Variants in ZIC3 observed in about 807,000 individuals in gnomAD.
ZIC3 encodes zinc finger protein ZIC 3.
Under a neutral mutation model 18.3 loss-of-function variants are expected in ZIC3, and 6 were observed. The observed-to-expected ratio is 0.33, with a 90% CI of 0.18 to 0.65. ZIC3 has a LOEUF of 0.65. Among genes scored for constraint, ZIC3 ranks in the 30% least tolerant of loss-of-function variants. ZIC3 has a pLI of 0.75. For missense variants in ZIC3, 260 were observed against 410.0 expected, an observed-to-expected ratio of 0.63 and a Z score of 3.16; for synonymous variants, 175 against 177.0, an observed-to-expected ratio of 0.99 and a Z score of 0.09.
chrX:137,566,795 T>C lies in ZIC3; in HGVS notation c.104T>C (p.Met35Thr). 1 of 1,177,150 alleles carries C rather than the reference T, an allele frequency of 8.5e-7. No homozygotes were observed. The highest frequency in any genetic ancestry group is 1.1e-6 in the Non-Finnish European group (1 of 880,194). Residue 35 changes from methionine (M) to threonine (T), a missense_variant, in exon 1 of 3, where the codon ATG (methionine) becomes ACG (threonine). By Grantham distance (81) the Met-to-Thr change is moderately conservative. Transcript: ENST00000287538. ...ATGCCCAACCGTGAGCCGGCAGGCATGGGGCTGAATCCCTTCGGGGACTCA... is the reference window on the plus strand; with the variant it reads ...ATGCCCAACCGTGAGCCGGCAGGCACGGGGCTGAATCCCTTCGGGGACTCA... Reference protein sequence around the residue: ...HEMPNREPAGMGLNPFGDSTH... With the variant: ...HEMPNREPAGTGLNPFGDSTH...
At chrX:137,574,533 C>T (rs956795342), downstream of ZIC3, among the ~76,000 whole-genome samples, 4 of 113,448 alleles carry the variant, frequency 3.5e-5, no homozygotes, top group African/African-American at 9.6e-5. Flanking sequence ...CCTTTTCAAG[C>T]CGCGGCCGGG....
chrX:137,577,421 A>G (rs1387906489), exon 3 of ZIC3: 6 of 328,458 alleles, frequency 1.8e-5, no homozygotes, highest in Non-Finnish European at 3.2e-5. Flanking sequence ...TGTGAAATGA[A>G]AAAGCAAAAA....
chrX:137,576,613 A>G (rs1049541428), downstream of ZIC3, among the ~76,000 whole-genome samples: 6 of 112,405 alleles, frequency 5.3e-5, no homozygotes, highest in Non-Finnish European at 1.1e-4. Context: ...GGAAAACACT[A>G]AGTTTGCTGG....
intron 1 of ZIC3, 135 bp downstream of exon 1, chrX:137,567,886 C>T (rs1364597066): frequency 1.9e-6 from 2 of 1,075,120 alleles, no homozygotes; most frequent in Admixed American, 2.6e-5. Flanking sequence ...AAAAGAAGCG[C>T]TGTCAGTGAC....
At chrX:137,572,295 G>A (rs138572111), downstream of ZIC3, among the ~76,000 whole-genome samples, 2 of 112,149 alleles carry the variant, frequency 1.8e-5, no homozygotes, top group Admixed American at 1.9e-4. Flanking sequence ...AAATTGCTTT[G>A]GAGGCTATTT....
At position 137,570,566 on chromosome X, in the gene ZIC3, C is replaced by G. The variant is rs188158405; in HGVS notation, c.*496C>G. On this transcript the variant is annotated 3_prime_UTR_variant, in exon 3 of 3. Transcript: ENST00000287538. ...TGAATGTATTTTTGTCTAATAGGGT[C>G]GAAACTGTTGTTCAGTATTTTTTCA... 335 of 126,011 alleles carry G rather than the reference C, an allele frequency of 2.7e-3. 2 individuals are homozygous for G. Among genetic ancestry groups the G allele is most frequent in the African/African-American group, 0.01 (317 of 31,323 alleles). 10.4% of individuals were successfully genotyped at this position (126,011 alleles called of 1,213,427 possible).
chrX:137,573,363 C>A (rs2124188881), downstream of ZIC3, among the ~76,000 whole-genome samples: 1 of 111,393 alleles, frequency 9.0e-6, no homozygotes, highest in South Asian at 3.8e-4. Flanking sequence ...GGCCTTCATC[C>A]AGCTTTAGAA....
In ZIC3 at chrX:137,567,120, G is replaced by A; in HGVS notation, c.429G>A (p.Ser143=). The change falls in exon 1 of 3, where the codon TCG becomes TCA. Residue 143 remains serine, a synonymous_variant. Transcript: ENST00000287538. ...GGGQHGLFAG[S]ASSLHAPAGI... ...GGCAGCACGGGCTCTTCGCCGGCTC[G>A]GCGAGCAGCCTGCATGCTCCAGCTG... 2 of 1,205,340 alleles carry A rather than the reference G, an allele frequency of 1.7e-6. No homozygotes were observed. Among genetic ancestry groups the A allele is most frequent in the Non-Finnish European group, 2.2e-6 (2 of 892,806 alleles).
chrX:137,569,856 T>TG, intron 2 of ZIC3, 35 bp from the exon 3 acceptor site: 2 of 1,175,093 alleles, frequency 1.7e-6, no homozygotes, highest in Non-Finnish European at 2.3e-6. Context: ...CCAGTTGGAA[T>TG]TATATTCATT....
downstream of ZIC3, chrX:137,573,890 G>C (rs954542475): frequency 1.8e-5 from 2 of 109,217 alleles, no homozygotes; most frequent in Non-Finnish European, 3.8e-5. Context: ...AGGCTCGGGC[G>C]GGGGGGGAAG....
chrX:137,568,398 A>C (rs760819592), intron 1 of ZIC3, among the ~76,000 whole-genome samples: 11 of 109,874 alleles, frequency 1.0e-4, no homozygotes, highest in Admixed American at 2.9e-4. Flanking sequence ...TTTTTTCCTC[A>C]AACATTAACT....
rs748325646 is a variant in ZIC3 at position 137,566,825 on chromosome X, A to ACGCCGCCGC, written c.153_161dup (p.Ala53_Ala55dup). ...CTGAATCCCTTCGGGGACTCAACCC[A>ACGCCGCCGC]CGCCGCCGCCGCCGCCGCCGCCGCC... On this transcript the variant is annotated inframe_insertion, in exon 1 of 3. Transcript: ENST00000287538. 152 of 1,160,653 alleles carry ACGCCGCCGC rather than the reference A, an allele frequency of 1.3e-4. 1 individual carries two copies. In the South Asian group the frequency reaches 1.8e-3, roughly 14 times the overall value.
Position 137,570,175 on chromosome X carries a change from A to T in ZIC3, c.*105A>T. On this transcript the variant is annotated 3_prime_UTR_variant, in exon 3 of 3. Transcript: ENST00000287538. ...GGAGTTTTAAGGCAAGAGGCCATAT[A>T]TAGGGCTACATCTTGTTAATTGCAA... The T allele has an allele frequency of 2.1e-6, 2 of 943,126 alleles. No individual in the cohort carries two copies. The highest frequency in any genetic ancestry group is 3.1e-6 in the Non-Finnish European group (2 of 655,685). 77.7% of individuals were successfully genotyped at this position (943,126 alleles called of 1,213,427 possible).
In ZIC3 at chrX:137,570,108, A is replaced by G. The variant is rs1005428187; in HGVS notation, c.*38A>G. On this transcript the variant is annotated 3_prime_UTR_variant, in exon 3 of 3. Transcript: ENST00000287538. Reference sequence around the variant, plus strand: ...ACCCTGTTAATTATAGAATGGACCAAATACATTTTTAAAAGAAAACTGAGA... The same window carrying G: ...ACCCTGTTAATTATAGAATGGACCAGATACATTTTTAAAAGAAAACTGAGA... 1 of 1,196,872 alleles carries G rather than the reference A, an allele frequency of 8.4e-7. No individual in the cohort carries two copies. Among genetic ancestry groups the G allele is most frequent in the Non-Finnish European group, 1.1e-6 (1 of 881,837 alleles).
At chrX:137,575,642 A>T (rs1246706161), downstream of ZIC3, among the ~76,000 whole-genome samples, 1 of 111,921 alleles carries the variant, frequency 8.9e-6, no homozygotes, top group African/African-American at 3.2e-5. Context: ...CCAACGGCCA[A>T]ACGGAAAAGT....
At chrX:137,569,749 G>C (rs145243921) in intron 2 of ZIC3, 142 bp from the exon 3 acceptor site, 1 of 585,571 alleles carries the variant, frequency 1.7e-6, no homozygotes, top group Non-Finnish European at 2.6e-6. Context: ...TCGGTAATAC[G>C]GATTTTTTTT....
downstream of ZIC3, chrX:137,573,747 T>TGGCCGG (rs1160039013): frequency 2.6e-5 from 3 of 113,394 alleles, no homozygotes; most frequent in Non-Finnish European, 5.6e-5. Flanking sequence ...AGTGGATCCT[T>TGGCCGG]GGCCGGGGCC....
Position 137,566,552 on chromosome X carries a change from C to T in ZIC3, c.-140C>T. 1 of 1,069,380 alleles carries T rather than the reference C, an allele frequency of 9.4e-7. No homozygotes were observed. The highest frequency in any genetic ancestry group is 1.2e-6 in the Non-Finnish European group (1 of 803,537). The allele number at this position is 1,069,380 out of a possible 1,213,427, so 88.1% of individuals were successfully genotyped here. On this transcript the variant is annotated 5_prime_UTR_variant, in exon 1 of 3. Transcript: ENST00000287538. ...TCTTGCAGTGACGGAAAGTTGCAGC[C>T]CCTGGTAGCGCCTTGGGGGTCTCCC...
At chrX:137,573,137 CAAA>C (rs369606674), downstream of ZIC3, among the ~76,000 whole-genome samples, 5 of 35,033 alleles carry the variant, frequency 1.4e-4, no homozygotes, top group African/African-American at 4.7e-4. Flanking sequence ...GTACCCCCCC[CAAA>C]AAAAAAAAAA....
Sources: allele counts gnomAD v4.1 joint callset (sites outside exome capture counted in the v4.1 genomes callset), GRCh38; gene constraint gnomAD v4.1.1; transcripts MANE v1.5; gene names NCBI Gene and HGNC (gene_info 2026-07-23, HGNC 2026-07-21).